The following R3HDM1 variants were observed in gnomAD, a reference collection of about 807,000 sequenced individuals.
R3HDM1 encodes the protein R3H domain containing 1, also known as R3H domain-containing protein 1.
Under a neutral mutation model 141.1 loss-of-function variants are expected in R3HDM1, and 46 were observed. The ratio of observed to expected loss-of-function variants is 0.33; its 90% CI spans 0.26 to 0.42. R3HDM1 has a LOEUF of 0.42. R3HDM1 is among the 10% of genes least tolerant of loss of function. R3HDM1 has a pLI of 1.00. For synonymous variants in R3HDM1, 435 were observed against 472.9 expected (o/e 0.92, Z 1.04); for missense variants, 1,184 against 1,368.3 (o/e 0.87, Z 2.12).
At chr2:135,590,428 C>A in intron 1 of R3HDM1, 1 of 428,578 alleles carries the variant, frequency 2.3e-6, no homozygotes, top group Non-Finnish European at 3.1e-6. Context: ...AAACTGTATG[C>A]CCCCTTGAGC....
chr2:135,583,264 C>T (rs1000966677), intron 1 of R3HDM1, among the ~76,000 whole-genome samples: 3 of 152,116 alleles, frequency 2.0e-5, no homozygotes, highest in Non-Finnish European at 4.4e-5. Flanking sequence ...AGCATTAAAG[C>T]TAGCTCTCTT....
intron 1 of R3HDM1, among the ~76,000 whole-genome samples, chr2:135,573,231 GA>G (rs1438381360): frequency 6.6e-6 from 1 of 152,146 alleles, no homozygotes; most frequent in Admixed American, 6.6e-5. Flanking sequence ...AGTGGTCATC[GA>G]TCTACTGCCT....
chr2:135,673,896 T>C (rs2068760179), intron 19 of R3HDM1, among the ~76,000 whole-genome samples: 1 of 152,188 alleles, frequency 6.6e-6, no homozygotes, highest in South Asian at 2.1e-4. Context: ...ACAAGGGTCT[T>C]GCGCTGTCGC....
intron 1 of R3HDM1, among the ~76,000 whole-genome samples, chr2:135,594,164 A>G (rs571744577): frequency 6.6e-5 from 10 of 152,360 alleles, no homozygotes; most frequent in African/African-American, 2.4e-4. Context: ...TTCTCCAGTG[A>G]AAACACTTCC....
At chr2:135,574,840 TTAG>T (rs1281097817) in intron 1 of R3HDM1, among the ~76,000 whole-genome samples, 3 of 152,278 alleles carry the variant, frequency 2.0e-5, no homozygotes, top group Admixed American at 6.5e-5. Context: ...TTTATATATC[TTAG>T]TCCTAAAGCC....
intron 18 of R3HDM1, among the ~76,000 whole-genome samples, chr2:135,658,194 T>C (rs961853761): frequency 1.3e-5 from 2 of 152,058 alleles, no homozygotes; most frequent in African/African-American, 2.4e-5. Context: ...TGAGACGGAG[T>C]CTCGCTCTGC....
chr2:135,631,359 A>G (rs1211823381), intron 7 of R3HDM1, among the ~76,000 whole-genome samples: 1 of 152,120 alleles, frequency 6.6e-6, no homozygotes, highest in Non-Finnish European at 1.5e-5. Context: ...ATATAGTAAT[A>G]CTAAGCAGAT....
chr2:135,715,249 C>T (rs2076051681), intron 23 of R3HDM1, among the ~76,000 whole-genome samples: 1 of 152,022 alleles, frequency 6.6e-6, no homozygotes, highest in African/African-American at 2.4e-5. Flanking sequence ...CAGGCTGGGA[C>T]TGAGGCAGGA....
intron 19 of R3HDM1, among the ~76,000 whole-genome samples, chr2:135,666,696 G>A (rs2067551608): frequency 6.6e-6 from 1 of 152,152 alleles, no homozygotes; most frequent in Non-Finnish European, 1.5e-5. Flanking sequence ...TTCAGGCACA[G>A]GAGTGAGAGA....
intron 1 of R3HDM1, among the ~76,000 whole-genome samples, chr2:135,547,859 C>T (rs1699064412): frequency 6.7e-6 from 1 of 150,156 alleles, no homozygotes; most frequent in South Asian, 2.1e-4. Context: ...CTGCAATCTC[C>T]ACTTCCCAGG....
chr2:135,579,880 A>G (rs1243240172), intron 1 of R3HDM1, among the ~76,000 whole-genome samples: 1 of 152,200 alleles, frequency 6.6e-6, no homozygotes, highest in Non-Finnish European at 1.5e-5. Context: ...TATAAGGGGA[A>G]GTTGGATGAG....
Position 135,636,081 on chromosome 2 carries a change from T to C in R3HDM1, c.808-7T>C, listed in dbSNP as rs1172722334. ...CATTTGCCTAAAAATTATCCTCTTT[T>C]CTGTAGATGAGAATACGTTTGAAAG... On this transcript the variant is annotated splice_region_variant and splice_polypyrimidine_tract_variant and intron_variant, in intron 10 of 26. Coordinates refer to ENST00000683871, the MANE Select transcript of R3HDM1 (RefSeq NM_001378107.1). 2 of 1,612,288 alleles carry C rather than the reference T, an allele frequency of 1.2e-6. No individual in the cohort carries two copies. Among genetic ancestry groups the C allele is most frequent in the Admixed American group, 3.3e-5 (2 of 59,750 alleles).
At chr2:135,720,519 CATTT>C (rs1240644510) in intron 24 of R3HDM1, among the ~76,000 whole-genome samples, 3 of 152,200 alleles carry the variant, frequency 2.0e-5, no homozygotes, top group African/African-American at 7.2e-5. Flanking sequence ...TTGCAGTCAG[CATTT>C]ATTAAGCCTT....
chr2:135,618,918 G>A (rs1266331834), intron 5 of R3HDM1, among the ~76,000 whole-genome samples: 1 of 151,988 alleles, frequency 6.6e-6, no homozygotes, highest in Non-Finnish European at 1.5e-5. Context: ...TACTTCGGAG[G>A]CTGGGGCAGG....
intron 1 of R3HDM1, among the ~76,000 whole-genome samples, chr2:135,581,736 C>T (rs2105030764): frequency 6.6e-6 from 1 of 152,232 alleles, no homozygotes; most frequent in African/African-American, 2.4e-5. Context: ...TTTTATTAGC[C>T]TTCTAAGTTT....
chr2:135,556,955 C>CT (rs924873671), intron 1 of R3HDM1, among the ~76,000 whole-genome samples: 6 of 151,212 alleles, frequency 4.0e-5, no homozygotes, highest in Non-Finnish European at 7.4e-5. Context: ...CTCTAGCATC[C>CT]TTTTTTTTTA....
chr2:135,651,138 G>A, intron 17 of R3HDM1: 16 of 985,354 alleles, frequency 1.6e-5, no homozygotes, highest in Non-Finnish European at 1.9e-5. Flanking sequence ...CTGACTTCCA[G>A]AACAGATTGA....
chr2:135,662,570 G>A (rs1422170445), intron 19 of R3HDM1, among the ~76,000 whole-genome samples: 1 of 152,140 alleles, frequency 6.6e-6, no homozygotes, highest in African/African-American at 2.4e-5. Context: ...TGTGACAAAT[G>A]TTCTTCCAAA....
At chr2:135,622,936 A>G (rs771437101) in intron 7 of R3HDM1, 1 of 982,384 alleles carries the variant, frequency 1.0e-6, no homozygotes, top group Non-Finnish European at 1.2e-6. Flanking sequence ...GCATGTCACC[A>G]TGATGTATGA....
Sources: allele counts gnomAD v4.1 joint callset (sites outside exome capture counted in the v4.1 genomes callset), GRCh38; gene constraint gnomAD v4.1.1; transcripts MANE v1.5; gene names NCBI Gene and HGNC (gene_info 2026-07-23, HGNC 2026-07-21).